Variants in PDE4D observed in about 807,000 individuals in gnomAD.
PDE4D encodes the protein 3',5'-cyclic-AMP phosphodiesterase 4D.
PDE4D carries 24 observed loss-of-function variants against 87.4 expected under a neutral mutation model. The observed-to-expected ratio is 0.27, with a 90% CI of 0.20 to 0.39. The LOEUF is 0.39. Among genes scored for constraint, PDE4D ranks in the 10% least tolerant of loss-of-function variants. The pLI, the probability that PDE4D is intolerant of heterozygous loss-of-function variation, is 1.00. For missense variants in PDE4D, 714 were observed against 1,041.0 expected (o/e 0.69, Z 4.32); for synonymous variants, 384 against 383.2 (o/e 1.00, Z -0.02).
intron 1 of PDE4D, among the ~76,000 whole-genome samples, chr5:60,427,679 A>C (rs1382326114): frequency 6.6e-6 from 1 of 152,244 alleles, no homozygotes; most frequent in Non-Finnish European, 1.5e-5. Context: ...TCTTTCTTAG[A>C]ATTTCCTTAA....
At chr5:60,487,331 A>G (rs1419690928) in intron 1 of PDE4D, among the ~76,000 whole-genome samples, 3 of 152,210 alleles carry the variant, frequency 2.0e-5, no homozygotes, top group African/African-American at 4.8e-5. Flanking sequence ...CAACAAGCGC[A>G]TGGTTTTTCA....
intron 1 of PDE4D, among the ~76,000 whole-genome samples, chr5:60,462,015 G>A (rs1746984257): frequency 6.6e-6 from 1 of 152,142 alleles, no homozygotes; most frequent in African/African-American, 2.4e-5. Flanking sequence ...AAGCAGGAGT[G>A]AAAAGGCCAG....
intron 5 of PDE4D, among the ~76,000 whole-genome samples, chr5:59,125,694 G>A (rs1775285482): frequency 1.3e-5 from 2 of 152,198 alleles, no homozygotes; most frequent in African/African-American, 4.8e-5. Context: ...TGGACAGAGA[G>A]CAATTCGAAT....
intron 1 of PDE4D, among the ~76,000 whole-genome samples, chr5:60,266,374 T>C (rs1583255316): frequency 1.3e-5 from 2 of 152,298 alleles, no homozygotes; most frequent in Admixed American, 6.5e-5. Context: ...AAGGAAACCT[T>C]GAAGTTCAAG....
At chr5:59,116,019 T>C (rs1318051259) in intron 5 of PDE4D, among the ~76,000 whole-genome samples, 1 of 152,196 alleles carries the variant, frequency 6.6e-6, no homozygotes, top group Non-Finnish European at 1.5e-5. Context: ...ACACATTTCT[T>C]ATCTCAGTCG....
intron 2 of PDE4D, among the ~76,000 whole-genome samples, chr5:60,034,047 T>C (rs1177630172): frequency 6.6e-6 from 1 of 152,146 alleles, no homozygotes; most frequent in Non-Finnish European, 1.5e-5. Context: ...TTGTCCTCCC[T>C]CTCAGAGGAT....
chr5:59,367,542 A>C (rs946817197), intron 1 of PDE4D, among the ~76,000 whole-genome samples: 14 of 152,218 alleles, frequency 9.2e-5, no homozygotes, highest in African/African-American at 2.9e-4. Flanking sequence ...ACTTCAAACA[A>C]AGGTCAAGAG....
chr5:60,106,742 C>A (rs1483632347), intron 2 of PDE4D, among the ~76,000 whole-genome samples: 1 of 152,066 alleles, frequency 6.6e-6, no homozygotes, highest in African/African-American at 2.4e-5. Flanking sequence ...ACTGAACAAC[C>A]TGCTCCTGAA....
intron 1 of PDE4D, among the ~76,000 whole-genome samples, chr5:59,519,210 T>C (rs1293175270): frequency 6.6e-6 from 1 of 152,162 alleles, no homozygotes; most frequent in African/African-American, 2.4e-5. Context: ...GCACAGAGGA[T>C]ACAACAGTGA....
At chr5:60,405,185 TC>T (rs1741431893) in intron 1 of PDE4D, among the ~76,000 whole-genome samples, 2 of 152,200 alleles carry the variant, frequency 1.3e-5, no homozygotes, top group Admixed American at 6.5e-5. Context: ...GGGATCAGTA[TC>T]CTATCAGGAG....
At chr5:59,624,259 G>C (rs972408244) in intron 1 of PDE4D, among the ~76,000 whole-genome samples, 3 of 152,066 alleles carry the variant, frequency 2.0e-5, no homozygotes, top group African/African-American at 7.2e-5. Flanking sequence ...TCCATCCTTT[G>C]GGGCCTTCTC....
chr5:60,353,414 CT>C (rs1297853515), intron 1 of PDE4D, among the ~76,000 whole-genome samples: 2 of 152,236 alleles, frequency 1.3e-5, no homozygotes, highest in African/African-American at 4.8e-5. Context: ...CAAATGGGCC[CT>C]GGACTTGTGC....
upstream of PDE4D, among the ~76,000 whole-genome samples, chr5:59,898,398 A>G (rs1751893265): frequency 6.6e-6 from 1 of 152,208 alleles, no homozygotes; most frequent in Non-Finnish European, 1.5e-5. Context: ...ATAAGCAACT[A>G]TAATTTGGGA....
chr5:59,984,582 GA>G (rs943666860), intron 3 of PDE4D, among the ~76,000 whole-genome samples: 1 of 152,020 alleles, frequency 6.6e-6, no homozygotes, highest in Non-Finnish European at 1.5e-5. Context: ...CATTGCTTGG[GA>G]AAAAAAGTCA....
intron 1 of PDE4D, among the ~76,000 whole-genome samples, chr5:59,405,547 C>T (rs181288545): frequency 3.4e-4 from 52 of 152,192 alleles, no homozygotes; most frequent in Non-Finnish European, 5.3e-4. Context: ...TCTTCCTTTC[C>T]AATTTGAATA....
Position 59,298,113 on chromosome 5 carries a change from C to T in PDE4D, c.456-82145G>A, listed in dbSNP as rs1025925735. On this transcript the variant is annotated intron_variant, in intron 1 of 14. Coordinates refer to ENST00000340635, the MANE Select transcript of PDE4D (RefSeq NM_001104631.2). ...AGCCAACCCCAAGGCACAAGTGAAA[C>T]TTTTTTTTTTTTTTTTTTTTTGAGA... 2.7e-4 allele frequency among the ~76,000 whole-genome samples: 31 copies of T among 112,996 alleles called. 1 individual carries two copies. In the East Asian group the frequency reaches 6.5e-3, roughly 24 times the overall value. 74.1% of individuals were successfully genotyped at this position (112,996 alleles called of 152,430 possible). A position where few individuals can be genotyped will look rare whatever the true frequency, so the allele number is the denominator to read the frequency against.
At chr5:60,225,009 T>G (rs925567555) in intron 1 of PDE4D, among the ~76,000 whole-genome samples, 3 of 151,972 alleles carry the variant, frequency 2.0e-5, no homozygotes. Context: ...TATGACAAAA[T>G]TCCAGCATCT....
chr5:59,752,649 T>A (rs569939012), intron 1 of PDE4D, among the ~76,000 whole-genome samples: 1 of 152,198 alleles, frequency 6.6e-6, no homozygotes, highest in East Asian at 1.9e-4. Context: ...AATTTTCACC[T>A]CATGGTGGAA....
chr5:60,078,033 A>G (rs1017019451), intron 2 of PDE4D, among the ~76,000 whole-genome samples: 1 of 151,956 alleles, frequency 6.6e-6, no homozygotes, highest in African/African-American at 2.4e-5. Context: ...GGAGTGTGCC[A>G]GTCTTTCTGA....
Sources: allele counts gnomAD v4.1 joint callset (sites outside exome capture counted in the v4.1 genomes callset), GRCh38; gene constraint gnomAD v4.1.1; transcripts MANE v1.5; gene names NCBI Gene and HGNC (gene_info 2026-07-23, HGNC 2026-07-21).